The following PDK3 variants were observed in gnomAD, a reference collection of about 807,000 sequenced individuals.
PDK3 encodes pyruvate dehydrogenase kinase, isozyme 3.
Under a neutral mutation model 32.0 loss-of-function variants are expected in PDK3, and 12 were observed. That is an observed-to-expected ratio of 0.37 (90% CI 0.24 to 0.61). PDK3 has a LOEUF of 0.61. Among genes scored for constraint, PDK3 ranks in the 20% least tolerant of loss-of-function variants. The pLI is 0.65. For synonymous variants in PDK3, 122 were observed against 116.3 expected, an observed-to-expected ratio of 1.05 and a Z score of -0.31; for missense variants, 188 against 316.9, an observed-to-expected ratio of 0.59 and a Z score of 3.09.
At position 24,527,345 on chromosome X, in the gene PDK3, G is replaced by A. The variant is rs757051765; in HGVS notation, c.751-229G>A. The stretch of plus-strand genomic sequence containing the variant: ...AGAAGGAAAGAAAAATAAATATTTA[G>A]CATGTTGGATGAGGCTAAAACTAGG... On this transcript the variant is annotated intron_variant, in intron 7 of 10. Transcript: ENST00000379162. Among the ~76,000 whole-genome samples, 4 of 108,491 alleles carry A rather than the reference G, an allele frequency of 3.7e-5. No individual in the cohort carries two copies. In the Admixed American group the frequency reaches 4.0e-4, roughly 11 times the overall value. The allele number at this position is 108,491 out of a possible 115,157, so 94.2% of individuals were successfully genotyped here. A position where few individuals can be genotyped will look rare whatever the true frequency, so the allele number is the denominator to read the frequency against.
intron 2 of PDK3, among the ~76,000 whole-genome samples, chrX:24,496,647 T>G (rs1459265576): frequency 1.0e-5 from 1 of 99,568 alleles, no homozygotes; most frequent in East Asian, 3.2e-4. Flanking sequence ...TGTGTTTCAC[T>G]GCCATTTTTT....
At chrX:24,527,489 A>G in intron 7 of PDK3, 85 bp from the exon 8 acceptor site, 2 of 573,054 alleles carry the variant, frequency 3.5e-6, no homozygotes, top group South Asian at 6.8e-5. Context: ...GTTGTTGGGT[A>G]TAAGTCATCT....
exon 12 of PDK3, chrX:24,550,164 AG>A (rs1454305159): frequency 8.9e-6 from 1 of 112,161 alleles, no homozygotes; most frequent in African/African-American, 3.2e-5. Context: ...GTTGCCAAGG[AG>A]CTTTGTTTAT....
intron 9 of PDK3, among the ~76,000 whole-genome samples, chrX:24,529,676 T>G (rs1275868094): frequency 1.8e-5 from 2 of 109,182 alleles, no homozygotes; most frequent in African/African-American, 6.7e-5. Context: ...CAAGAATGGC[T>G]TGAACCTGGG....
chrX:24,505,366 G>T, intron 5 of PDK3, 68 bp downstream of exon 5: 1 of 814,544 alleles, frequency 1.2e-6, no homozygotes, highest in Non-Finnish European at 1.8e-6. Flanking sequence ...GAGGCAGCTT[G>T]GCTATAGGGT....
At chrX:24,515,547 A>T (rs1299257593) in intron 5 of PDK3, among the ~76,000 whole-genome samples, 1 of 111,651 alleles carries the variant, frequency 9.0e-6, no homozygotes, top group African/African-American at 3.3e-5. Flanking sequence ...TTTTGTGAAG[A>T]TGTGTTGGCT....
At chrX:24,486,700 C>T (rs1424804238) in intron 1 of PDK3, among the ~76,000 whole-genome samples, 1 of 111,426 alleles carries the variant, frequency 9.0e-6, no homozygotes, top group Admixed American at 9.6e-5. Context: ...GGCACAATCA[C>T]AGCTCACTGC....
At chrX:24,488,653 C>T (rs374748002) in intron 1 of PDK3, among the ~76,000 whole-genome samples, 1 of 111,604 alleles carries the variant, frequency 9.0e-6, no homozygotes, top group African/African-American at 3.3e-5. Context: ...GCCAAGATTG[C>T]GCCACTGCAC....
chrX:24,491,294 G>A (rs866254139), intron 1 of PDK3, among the ~76,000 whole-genome samples: 2 of 102,831 alleles, frequency 1.9e-5, no homozygotes, highest in Non-Finnish European at 4.0e-5. Flanking sequence ...AAAAAAAAAA[G>A]AAAAAAGAAA....
chrX:24,494,164 A>G (rs749667745), intron 1 of PDK3, among the ~76,000 whole-genome samples: 2 of 111,859 alleles, frequency 1.8e-5, no homozygotes, highest in Admixed American at 9.5e-5. Context: ...TTTCTCTGGC[A>G]TGTTTCTCTG....
rs759380428 is a variant in PDK3, at chrX:24,521,060, C to G, written c.673+2050C>G. 8.1e-5 allele frequency among the ~76,000 whole-genome samples: 9 copies of G among 110,969 alleles called. No homozygotes were observed. The South Asian group carries it at 2.7e-3, about 33-fold the overall frequency. Reference sequence around the variant, plus strand: ...TTGGGAGGCTGAGGCAGGAGAATCTCTTGAGCCCAGGAGTTCGAGACCAGC... The same window carrying G: ...TTGGGAGGCTGAGGCAGGAGAATCTGTTGAGCCCAGGAGTTCGAGACCAGC... On this transcript the variant is annotated intron_variant, in intron 6 of 10. Coordinates refer to ENST00000379162, the MANE Select transcript of PDK3 (RefSeq NM_005391.5).
intron 5 of PDK3, among the ~76,000 whole-genome samples, chrX:24,515,298 C>T (rs1922226345): frequency 2.7e-5 from 3 of 111,891 alleles, no homozygotes; most frequent in African/African-American, 6.5e-5. Flanking sequence ...CTTATTCGCA[C>T]GTGGTTTTAG....
At chrX:24,538,978 T>C (rs1922836125), downstream of PDK3, among the ~76,000 whole-genome samples, 1 of 111,907 alleles carries the variant, frequency 8.9e-6, no homozygotes. Context: ...AATTAAATGG[T>C]CATTCTATTT....
In PDK3 at chrX:24,476,656, A is replaced by G. The variant is rs750936465; in HGVS notation, c.106+11095A>G. 3.6e-5 allele frequency among the ~76,000 whole-genome samples: 4 copies of G among 112,101 alleles called. No homozygotes were observed. In the South Asian group the frequency reaches 1.1e-3, roughly 31 times the overall value. ...CCTGCACCAGTGTGGGACATTTGTT[A>G]TAATTGATGAACCAGCATTGACCCA... is the stretch of plus-strand genomic sequence containing the variant. On this transcript the variant is annotated intron_variant, in intron 1 of 10. Transcript: ENST00000379162.
intron 1 of PDK3, among the ~76,000 whole-genome samples, chrX:24,489,492 T>A (rs933450799): frequency 4.5e-5 from 5 of 109,934 alleles, no homozygotes; most frequent in African/African-American, 1.7e-4. Context: ...GGAGACCAGC[T>A]AGTCCAACAT....
In PDK3 at chrX:24,520,554, A is replaced by G. The variant is rs965164054; in HGVS notation, c.673+1544A>G. On this transcript the variant is annotated intron_variant, in intron 6 of 10. Coordinates refer to ENST00000379162, the MANE Select transcript of PDK3 (RefSeq NM_005391.5). ...ACGTTCATCATATGATTACATATTTATTTGCACATTCCTTTTTTTATTTGC... is the reference window on the plus strand; with the variant it reads ...ACGTTCATCATATGATTACATATTTGTTTGCACATTCCTTTTTTTATTTGC... 8.9e-5 allele frequency among the ~76,000 whole-genome samples: 10 copies of G among 112,242 alleles called. No homozygotes were observed. In the Admixed American group the frequency reaches 9.4e-4, roughly 11 times the overall value.
At chrX:24,542,605 G>T (rs1216878498) in exon 12 of PDK3, among the ~76,000 whole-genome samples, 4 of 112,533 alleles carry the variant, frequency 3.6e-5, no homozygotes, top group Non-Finnish European at 5.6e-5. Context: ...TCAGGAGAGG[G>T]TTTCTTTTGT....
At chrX:24,538,089 T>C (rs948542342), downstream of PDK3, among the ~76,000 whole-genome samples, 1 of 112,539 alleles carries the variant, frequency 8.9e-6, no homozygotes, top group South Asian at 3.7e-4. Flanking sequence ...ATTTGAGTAG[T>C]GCAGAAGCCA....
intron 10 of PDK3, among the ~76,000 whole-genome samples, chrX:24,532,593 A>G (rs1413242136): frequency 8.9e-6 from 1 of 111,813 alleles, no homozygotes; most frequent in Non-Finnish European, 1.9e-5. Flanking sequence ...ATAGGCACAT[A>G]ATAAAAATTT....
Sources: gnomAD v4.1 joint callset for allele counts (sites outside exome capture counted in the v4.1 genomes callset) on GRCh38, gnomAD v4.1.1 for gene constraint, MANE v1.5 for transcripts, NCBI Gene and HGNC (gene_info 2026-07-23, HGNC 2026-07-21) for gene names.